The following PKN2 variants were observed in gnomAD, a reference collection of about 807,000 sequenced individuals.
The protein encoded by PKN2 is protein kinase N2.
A neutral mutation model predicts 119.1 loss-of-function variants in PKN2; 38 were observed. The observed-to-expected ratio is 0.32, with a 90% CI of 0.25 to 0.42. PKN2 has a LOEUF of 0.42. Among genes scored for constraint, PKN2 ranks in the 10% least tolerant of loss-of-function variants. The pLI is 1.00. For missense variants in PKN2, 850 were observed against 1,165.1 expected (o/e 0.73, Z 3.94); for synonymous variants, 390 against 384.9 (o/e 1.01, Z -0.15).
chr1:88,808,682 A>G lies in PKN2; in HGVS notation c.2102+907A>G, dbSNP rs536188773. The stretch of plus-strand genomic sequence containing the variant: ...AGAGAATATACTTTAAAAAATGACT[A>G]TCTTAATACAGAATAATTAAATATG... On this transcript the variant is annotated intron_variant, in intron 15 of 21. Coordinates refer to ENST00000370521, the MANE Select transcript of PKN2 (RefSeq NM_006256.4). Among the ~76,000 whole-genome samples the G allele has an allele frequency of 1.1e-4, 16 of 152,336 alleles. No homozygotes were observed. In the South Asian group the frequency reaches 2.7e-3, roughly 26 times the overall value.
intron 19 of PKN2, 60 bp from the exon 20 acceptor site, chr1:88,832,684 G>A: frequency 2.4e-6 from 2 of 845,168 alleles, no homozygotes; most frequent in South Asian, 1.6e-5. Context: ...ACTTTGAATG[G>A]GTGATAAGAT....
intron 1 of PKN2, among the ~76,000 whole-genome samples, chr1:88,735,963 C>T (rs1668331992): frequency 6.6e-6 from 1 of 152,100 alleles, no homozygotes; most frequent in Non-Finnish European, 1.5e-5. Context: ...AGCCCAGTAA[C>T]CCAAATATTT....
chr1:88,823,748 C>G (rs904944334), intron 17 of PKN2, among the ~76,000 whole-genome samples: 2 of 134,314 alleles, frequency 1.5e-5, no homozygotes, highest in Admixed American at 8.0e-5. Flanking sequence ...TGGTGGCTTA[C>G]GCCTGTAATT....
At chr1:88,819,469 A>AT in intron 16 of PKN2, among the ~76,000 whole-genome samples, 1 of 152,360 alleles carries the variant, frequency 6.6e-6, no homozygotes, top group South Asian at 2.1e-4. Flanking sequence ...ATGAGATACC[A>AT]TCTCACGCCA....
intron 2 of PKN2, among the ~76,000 whole-genome samples, chr1:88,758,329 T>C (rs1461485515): frequency 6.6e-6 from 1 of 152,106 alleles, no homozygotes; most frequent in Non-Finnish European, 1.5e-5. Context: ...TTGAAAATAT[T>C]CCCATTCCTA....
At chr1:88,738,019 C>T (rs150155507) in intron 1 of PKN2, among the ~76,000 whole-genome samples, 6 of 152,254 alleles carry the variant, frequency 3.9e-5, no homozygotes, top group African/African-American at 9.6e-5. Flanking sequence ...GGGAGTCAAT[C>T]GCTGGAGAGT....
At chr1:88,702,747 A>G (rs61666405) in intron 1 of PKN2, among the ~76,000 whole-genome samples, 2,956 of 152,334 alleles carry the variant, frequency 0.019, 94 homozygotes, top group African/African-American at 0.066. Flanking sequence ...AAAACTTTCA[A>G]CTGCACAGGT....
intron 8 of PKN2, among the ~76,000 whole-genome samples, chr1:88,791,518 A>G (rs1337070497): frequency 6.6e-6 from 1 of 152,094 alleles, no homozygotes; most frequent in Non-Finnish European, 1.5e-5. Flanking sequence ...AAAATAAAAT[A>G]TCCATATTAC....
intron 8 of PKN2, among the ~76,000 whole-genome samples, chr1:88,792,731 A>G (rs1268321354): frequency 6.6e-6 from 1 of 152,162 alleles, no homozygotes; most frequent in African/African-American, 2.4e-5. Context: ...AGTGGTTCTT[A>G]TTCTGGATTC....
At chr1:88,784,569 A>G (rs1670491273) in intron 6 of PKN2, 70 bp from the exon 7 acceptor site, 2 of 937,600 alleles carry the variant, frequency 2.1e-6, no homozygotes, top group East Asian at 5.8e-5. Context: ...TGAATAGGTA[A>G]GAGATTTAGA....
intron 18 of PKN2, 99 bp from the exon 19 acceptor site, chr1:88,828,382 G>A: frequency 1.0e-6 from 1 of 978,296 alleles, no homozygotes. Flanking sequence ...ATGCACAAAT[G>A]TGCAACTTTA....
chr1:88,792,385 A>G (rs1670878069), intron 8 of PKN2, among the ~76,000 whole-genome samples: 1 of 152,200 alleles, frequency 6.6e-6, no homozygotes, highest in Non-Finnish European at 1.5e-5. Flanking sequence ...CCTAGGCAAC[A>G]GAGTGAGACT....
chr1:88,815,479 T>C, intron 16 of PKN2: 1 of 321,784 alleles, frequency 3.1e-6, no homozygotes, highest in Non-Finnish European at 5.9e-6. Context: ...CTGATTTATT[T>C]TTAAAATTTT....
intron 1 of PKN2, among the ~76,000 whole-genome samples, chr1:88,727,973 GTTTTGCAGTTATTTGGC>G (rs1458990594): frequency 6.8e-6 from 1 of 147,134 alleles, no homozygotes; most frequent in Non-Finnish European, 1.5e-5. Flanking sequence ...GGGCTGCCCT[GTTTTGCAGTTATTTGGC>G]TAAAGAGAGC....
intron 1 of PKN2, among the ~76,000 whole-genome samples, chr1:88,707,435 A>T (rs79706774): frequency 0.019 from 2,962 of 152,218 alleles, 95 homozygotes; most frequent in African/African-American, 0.067. Context: ...TGCATATATT[A>T]TAAATCTGTT....
intron 6 of PKN2, 54 bp downstream of exon 6, chr1:88,771,933 C>T (rs1669911211): frequency 1.7e-6 from 2 of 1,178,508 alleles, no homozygotes; most frequent in Non-Finnish European, 2.5e-6. Flanking sequence ...ATAACTGGTT[C>T]TGATTTAATA....
chr1:88,816,274 T>G (rs1271991021), intron 16 of PKN2, among the ~76,000 whole-genome samples: 1 of 152,106 alleles, frequency 6.6e-6, no homozygotes. Context: ...TGAGACAGAG[T>G]CTTGCTCCGT....
At chr1:88,789,515 T>G (rs1444612610) in intron 8 of PKN2, among the ~76,000 whole-genome samples, 1 of 151,840 alleles carries the variant, frequency 6.6e-6, no homozygotes, top group Non-Finnish European at 1.5e-5. Context: ...ATACAAAAAT[T>G]AGCTGGGTGC....
intron 2 of PKN2, among the ~76,000 whole-genome samples, chr1:88,759,208 CA>C (rs1669343241): frequency 6.6e-6 from 1 of 152,200 alleles, no homozygotes; most frequent in South Asian, 2.1e-4. Context: ...ACTAAAAATA[CA>C]AAAATTAGCC....
Sources: gnomAD v4.1 joint callset for allele counts (sites outside exome capture counted in the v4.1 genomes callset) on GRCh38, gnomAD v4.1.1 for gene constraint, MANE v1.5 for transcripts, NCBI Gene and HGNC (gene_info 2026-07-23, HGNC 2026-07-21) for gene names.